The following AFF4 variants were observed in gnomAD, a reference collection of about 807,000 sequenced individuals.
AFF4 encodes AF4/FMR2 family member 4.
In AFF4, 13 loss-of-function variants were observed where a neutral mutation model predicts 124.8. The observed-to-expected ratio is 0.10, with a 90% confidence interval of 0.07 to 0.17. The LOEUF is 0.17. Among genes scored for constraint, AFF4 ranks in the 10% least tolerant of loss-of-function variants. The probability of loss-of-function intolerance (pLI) is 1.00; values close to 1 mark genes in which losing one functional copy is unlikely to be tolerated. For synonymous variants in AFF4, 477 were observed against 496.1 expected (o/e 0.96, Z 0.51); for missense variants, 1,092 against 1,403.8 (o/e 0.78, Z 3.55).
intron 1 of AFF4, among the ~76,000 whole-genome samples, chr5:132,958,450 A>G (rs938159069): frequency 8.2e-6 from 1 of 121,578 alleles, no homozygotes; most frequent in Non-Finnish European, 1.6e-5. Context: ...TGGATGACAG[A>G]GTGAGACCCT....
At chr5:132,893,233 G>A in intron 11 of AFF4, 115 bp from the exon 12 acceptor site, 1 of 849,536 alleles carries the variant, frequency 1.2e-6, no homozygotes, top group East Asian at 2.4e-5. Flanking sequence ...AGATAAAAGA[G>A]AAGTACTATA....
chr5:132,898,672 C>T (rs528532387), intron 9 of AFF4, among the ~76,000 whole-genome samples: 23 of 151,898 alleles, frequency 1.5e-4, no homozygotes, highest in Admixed American at 3.3e-4. Context: ...TTAGTAGAGA[C>T]GGGGTTTCAC....
At chr5:132,926,701 T>TTC (rs1491575415) in intron 5 of AFF4, 4 of 1,752 alleles carry the variant, frequency 2.3e-3, no homozygotes, top group African/African-American at 5.0e-3. Context: ...TATGCCAAGC[T>TTC]TTTTTTTTTT....
intron 1 of AFF4, chr5:132,943,717 G>T: frequency 3.5e-6 from 1 of 283,440 alleles, no homozygotes; most frequent in South Asian, 7.5e-5. Flanking sequence ...TGTTCATCAT[G>T]GCAATGTTGC....
intron 5 of AFF4, among the ~76,000 whole-genome samples, chr5:132,905,626 G>A (rs1209940157): frequency 6.6e-6 from 1 of 151,910 alleles, no homozygotes; most frequent in Non-Finnish European, 1.5e-5. Context: ...AAATAAAGCT[G>A]GGCCTTTATA....
chr5:132,954,737 C>T (rs1228024581), intron 1 of AFF4, among the ~76,000 whole-genome samples: 9 of 151,670 alleles, frequency 5.9e-5, no homozygotes, highest in Admixed American at 5.9e-4. Context: ...TTAGTAGAGA[C>T]GGGGTTTCAC....
chr5:132,947,153 C>T (rs770312277), intron 1 of AFF4, among the ~76,000 whole-genome samples: 4 of 152,128 alleles, frequency 2.6e-5, no homozygotes, highest in Admixed American at 6.6e-5. Flanking sequence ...TCTGTAATCC[C>T]AGCACTTTGG....
intron 1 of AFF4, among the ~76,000 whole-genome samples, chr5:132,937,969 AG>A (rs1761470923): frequency 6.6e-6 from 1 of 152,228 alleles, no homozygotes. Context: ...AGAGAAATAC[AG>A]CCAATTTATA....
chr5:132,915,104 C>T (rs751956145), intron 5 of AFF4, among the ~76,000 whole-genome samples: 2 of 151,940 alleles, frequency 1.3e-5, no homozygotes, highest in African/African-American at 2.4e-5. Context: ...TTTGGGAGGC[C>T]GAGGCAGGCG....
intron 5 of AFF4, among the ~76,000 whole-genome samples, chr5:132,906,096 C>G (rs1228740105): frequency 1.3e-5 from 2 of 152,130 alleles, no homozygotes; most frequent in African/African-American, 4.8e-5. Flanking sequence ...ACTAGGATGA[C>G]TAGAATCAAA....
chr5:132,941,177 T>C (rs1761560807), intron 1 of AFF4, among the ~76,000 whole-genome samples: 1 of 152,146 alleles, frequency 6.6e-6, no homozygotes, highest in South Asian at 2.1e-4. Context: ...TAAGATGAAA[T>C]AAGTTTTCTC....
Position 132,960,103 on chromosome 5 carries a change from G to T in AFF4, c.-5+3156C>A, listed in dbSNP as rs114940720. Among the ~76,000 whole-genome samples the T allele has an allele frequency of 2.3e-3, 347 of 152,242 alleles. 2 individuals carry two copies. The highest frequency in any genetic ancestry group is 8.1e-3 in the African/African-American group (337 of 41,554). ...AAAGGAAAAAGCAGCAAGGTAACAG[G>T]TCAGGTTAGCTTTAGGCAGTCTTTA... On this transcript the variant is annotated intron_variant, in intron 1 of 20. Transcript: ENST00000265343.
intron 6 of AFF4, among the ~76,000 whole-genome samples, chr5:132,902,943 C>T (rs180707259): frequency 3.9e-5 from 6 of 152,196 alleles, no homozygotes; most frequent in Middle Eastern, 3.4e-3. Flanking sequence ...CATATTATAA[C>T]ATAATTTTAA....
chr5:132,918,272 A>G (rs1421204140), intron 5 of AFF4, among the ~76,000 whole-genome samples: 1 of 152,012 alleles, frequency 6.6e-6, no homozygotes, highest in Non-Finnish European at 1.5e-5. Flanking sequence ...ACTGGTCTGT[A>G]ATCCCACCTA....
At position 132,934,764 on chromosome 5, in the gene AFF4, C is replaced by T. The variant is rs867632138; in HGVS notation, c.301G>A (p.Gly101Ser). Residue 101 changes from glycine to serine, a missense_variant, in exon 3 of 21, where the codon GGC becomes AGC. Around this residue, in one of 11 missense-constraint regions of AFF4, gnomAD observed 188 missense variants for 203.0 expected, o/e 0.93. Transcript: ENST00000265343. ...NPNFFEQRHG[G>S]SHQSSKWTPV... ...GTCCATTTGCTACTCTGATGAGAGC[C>T]TCCATGTCTCTGTTCAAAGAAATTT... 1 of 1,614,064 alleles carries T rather than the reference C, an allele frequency of 6.2e-7. No homozygotes were observed. The highest frequency in any genetic ancestry group is 1.3e-5 in the African/African-American group (1 of 74,986).
chr5:132,890,724 T>C (rs140477804), intron 13 of AFF4, among the ~76,000 whole-genome samples: 127 of 152,318 alleles, frequency 8.3e-4, no homozygotes, highest in African/African-American at 2.2e-3. Context: ...CCAAGAGCTA[T>C]TGAAATCAAA....
Position 132,883,353 on chromosome 5 carries a change from G to T in AFF4, c.3351C>A (p.Ser1117=). 1 of 1,613,326 alleles carries T rather than the reference G, an allele frequency of 6.2e-7. No individual in the cohort carries two copies. The highest frequency in any genetic ancestry group is 1.1e-5 in the South Asian group (1 of 90,984). Residue 1117 remains serine, a synonymous_variant, in exon 20 of 21, where the codon TCC becomes TCA. Coordinates refer to ENST00000265343, the MANE Select transcript of AFF4 (RefSeq NM_014423.4). ...AAACCTACCTACCTTTTTGCTCTTT[G>T]GAAAGCTGTTCAGCTTGGTCCCAAA... ...TEIWDQAEQL[S]KEQKEFFAEL...
intron 4 of AFF4, among the ~76,000 whole-genome samples, chr5:132,927,941 A>G (rs1489341835): frequency 2.0e-5 from 3 of 152,192 alleles, no homozygotes; most frequent in Non-Finnish European, 4.4e-5. Context: ...TAAGATTACA[A>G]TGTGTATGTT....
intron 2 of AFF4, among the ~76,000 whole-genome samples, chr5:132,936,052 G>A (rs1348965962): frequency 1.3e-5 from 2 of 151,900 alleles, no homozygotes; most frequent in Admixed American, 1.3e-4. Flanking sequence ...CGGATCATGA[G>A]GTCAAGAGAT....
Sources: allele counts gnomAD v4.1 joint callset (sites outside exome capture counted in the v4.1 genomes callset), GRCh38; gene constraint gnomAD v4.1.1; regional missense constraint gnomAD v4.1.1; transcripts MANE v1.5; gene names NCBI Gene and HGNC (gene_info 2026-07-23, HGNC 2026-07-21).